CCDC93: variants seen among roughly 807,000 people sequenced by gnomAD.
CCDC93 encodes coiled-coil domain-containing protein 93.
CCDC93 carries 61 observed loss-of-function variants against 108.2 expected under a neutral mutation model. The ratio of observed to expected loss-of-function variants is 0.56; its 90% CI spans 0.46 to 0.70. The LOEUF (loss-of-function observed/expected upper bound fraction) is 0.70, where lower values mean the gene tolerates loss of function less well. Among genes scored for constraint, CCDC93 ranks in the 30% least tolerant of loss-of-function variants. The probability of loss-of-function intolerance (pLI) is 0.00; values close to 1 mark genes in which losing one functional copy is unlikely to be tolerated. For missense variants in CCDC93, 685 were observed against 764.2 expected, an observed-to-expected ratio of 0.90 and a Z score of 1.22; for synonymous variants, 276 against 260.4, an observed-to-expected ratio of 1.06 and a Z score of -0.58.
chr2:117,966,702 G>A (rs1679590855), intron 11 of CCDC93, among the ~76,000 whole-genome samples: 1 of 152,156 alleles, frequency 6.6e-6, no homozygotes, highest in South Asian at 2.1e-4. Context: ...TTTTTCATAA[G>A]TACATCCTTG....
intron 13 of CCDC93, chr2:117,949,707 A>T (rs928218138): frequency 1.1e-4 from 107 of 946,542 alleles, no homozygotes; most frequent in African/African-American, 9.7e-4. Flanking sequence ...TCAAAAATTA[A>T]AAAAAAAAAG....
intron 1 of CCDC93, among the ~76,000 whole-genome samples, chr2:118,011,540 T>C (rs1677021976): frequency 6.6e-6 from 1 of 151,650 alleles, no homozygotes; most frequent in African/African-American, 2.4e-5. Flanking sequence ...AGCTAAAGAG[T>C]AGTTGTAGTT....
chr2:117,917,229 G>C lies in CCDC93; in HGVS notation c.*3114C>G, dbSNP rs1221638151. ...TTAGAGCCAGGGCTCACTGTCCGGA[G>C]TGCCCTTTCAGGCAGGTCTGCTTCG... On this transcript the variant is annotated 3_prime_UTR_variant, in exon 24 of 24. Coordinates refer to ENST00000376300, the MANE Select transcript of CCDC93 (RefSeq NM_019044.5). 1.3e-5 allele frequency: 2 copies of C among 152,684 alleles called. No individual in the cohort carries two copies. Among genetic ancestry groups the C allele is most frequent in the African/African-American group, 4.8e-5 (2 of 41,432 alleles). 9.5% of individuals were successfully genotyped at this position (152,684 alleles called of 1,614,324 possible).
intron 13 of CCDC93, chr2:117,949,911 T>C (rs1291739060): frequency 1.0e-6 from 1 of 985,244 alleles, no homozygotes; most frequent in African/African-American, 1.7e-5. Context: ...TTAGCAGACG[T>C]AGGAAGGACT....
intron 7 of CCDC93, 70 bp downstream of exon 7, chr2:117,985,899 A>T: frequency 2.2e-6 from 2 of 916,626 alleles, no homozygotes; most frequent in Non-Finnish European, 3.5e-6. Flanking sequence ...TAGTCAAGTT[A>T]ATCCAAATGA....
intron 6 of CCDC93, among the ~76,000 whole-genome samples, chr2:117,991,058 G>A (rs1296779745): frequency 5.3e-5 from 8 of 152,052 alleles, no homozygotes; most frequent in African/African-American, 1.9e-4. Context: ...AAAGATGAAT[G>A]CAAAAAATTC....
intron 11 of CCDC93, among the ~76,000 whole-genome samples, chr2:117,962,999 G>A (rs1679443437): frequency 6.6e-6 from 1 of 152,198 alleles, no homozygotes; most frequent in Non-Finnish European, 1.5e-5. Context: ...AAACCCATAA[G>A]TAAGGACTAG....
intron 13 of CCDC93, 63 bp downstream of exon 13, chr2:117,952,310 T>C (rs1345928415): frequency 9.8e-6 from 10 of 1,023,186 alleles, no homozygotes; most frequent in Non-Finnish European, 1.6e-5. Context: ...ATTCCATTAG[T>C]GGTTCAGGTC....
chr2:118,010,383 C>A (rs1179003771), intron 1 of CCDC93, among the ~76,000 whole-genome samples: 1 of 152,058 alleles, frequency 6.6e-6, no homozygotes, highest in African/African-American at 2.4e-5. Context: ...ACTACCTTTC[C>A]TCTCTTCCTT....
At chr2:117,983,305 A>T (rs773522834) in intron 7 of CCDC93, among the ~76,000 whole-genome samples, 5 of 152,188 alleles carry the variant, frequency 3.3e-5, no homozygotes, top group Non-Finnish European at 5.9e-5. Context: ...ACATATAGGC[A>T]TCTGGACATC....
intron 22 of CCDC93, chr2:117,933,959 A>C (rs962205657): frequency 6.6e-5 from 10 of 151,984 alleles, no homozygotes; most frequent in Non-Finnish European, 1.2e-4. Context: ...GGTGCCATTG[A>C]CCCATTTGGC....
intron 23 of CCDC93, among the ~76,000 whole-genome samples, chr2:117,922,307 C>T (rs1290665808): frequency 6.6e-6 from 1 of 152,100 alleles, no homozygotes; most frequent in Non-Finnish European, 1.5e-5. Context: ...TTCTCCGTCT[C>T]TTCAAAGCAA....
Position 117,948,201 on chromosome 2 carries a change from C to A in CCDC93, c.1143-15G>T, listed in dbSNP as rs1444452358. ...TCTGTAGGATACTGAAGAGAAAAGA[C>A]AAAAAAATGACATATGGCAGGCCAT... On this transcript the variant is annotated splice_polypyrimidine_tract_variant and intron_variant, in intron 14 of 23. Coordinates refer to ENST00000376300, the MANE Select transcript of CCDC93 (RefSeq NM_019044.5). 1.9e-6 allele frequency: 3 copies of A among 1,590,260 alleles called. No individual in the cohort carries two copies. The Admixed American group carries it at 5.1e-5, about 27-fold the overall frequency.
intron 12 of CCDC93, 94 bp from the exon 13 acceptor site, chr2:117,952,529 G>A: frequency 1.1e-6 from 1 of 935,894 alleles, no homozygotes; most frequent in Non-Finnish European, 1.7e-6. Flanking sequence ...AGCTCAGAAA[G>A]ATTTAAACTG....
intron 3 of CCDC93, among the ~76,000 whole-genome samples, chr2:118,002,415 G>A (rs1167919908): frequency 6.6e-6 from 1 of 152,168 alleles, no homozygotes; most frequent in Non-Finnish European, 1.5e-5. Flanking sequence ...AGGAACTAAA[G>A]TTAAAACAGC....
chr2:118,011,705 A>G (rs1677025884), intron 1 of CCDC93, among the ~76,000 whole-genome samples: 1 of 152,222 alleles, frequency 6.6e-6, no homozygotes, highest in Non-Finnish European at 1.5e-5. Context: ...CACTGCCTCA[A>G]CACCTATCTA....
At chr2:117,992,998 T>C (rs1680523996) in intron 6 of CCDC93, among the ~76,000 whole-genome samples, 1 of 152,140 alleles carries the variant, frequency 6.6e-6, no homozygotes, top group South Asian at 2.1e-4. Context: ...TTGACAGCTA[T>C]GCTGGCTTTT....
intron 13 of CCDC93, chr2:117,950,385 C>G: frequency 1.0e-6 from 1 of 985,364 alleles, no homozygotes; most frequent in Non-Finnish European, 1.2e-6. Flanking sequence ...CTCACACACA[C>G]GAAATTAGAG....
At chr2:117,926,042 T>C (rs1409831763) in intron 23 of CCDC93, among the ~76,000 whole-genome samples, 1 of 151,766 alleles carries the variant, frequency 6.6e-6, no homozygotes, top group Non-Finnish European at 1.5e-5. Context: ...GACATGAAGG[T>C]AGAGATAAAG....
Sources: gnomAD v4.1 joint callset for allele counts (sites outside exome capture counted in the v4.1 genomes callset) on GRCh38, gnomAD v4.1.1 for gene constraint, MANE v1.5 for transcripts, NCBI Gene and HGNC (gene_info 2026-07-23, HGNC 2026-07-21) for gene names.